Variants in KANK4 observed in about 807,000 individuals in gnomAD.
KANK4 encodes KN motif and ankyrin repeat domains 4.
A neutral mutation model predicts 80.8 loss-of-function variants in KANK4; 50 were observed. The observed-to-expected ratio is 0.62, with a 90% CI of 0.49 to 0.78. KANK4 has a LOEUF of 0.78. KANK4 is among the 30% of genes least tolerant of loss of function. The probability of loss-of-function intolerance (pLI) is 0.00; values close to 1 mark genes in which losing one functional copy is unlikely to be tolerated. For missense variants in KANK4, 1,196 were observed against 1,240.1 expected (o/e 0.96, Z 0.53); for synonymous variants, 465 against 506.9 (o/e 0.92, Z 1.11).
intron 1 of KANK4, among the ~76,000 whole-genome samples, chr1:62,287,380 C>T (rs1672593120): frequency 6.6e-6 from 1 of 152,206 alleles, no homozygotes; most frequent in Non-Finnish European, 1.5e-5. Context: ...CACAGTAAGA[C>T]ACATCACATG....
At chr1:62,241,702 A>G (rs1393006187) in intron 9 of KANK4, among the ~76,000 whole-genome samples, 1 of 152,232 alleles carries the variant, frequency 6.6e-6, no homozygotes, top group African/African-American at 2.4e-5. Flanking sequence ...GTACTGGAAC[A>G]AAACAAAGAT....
At chr1:62,293,062 TTGTGTGTGTGTG>T (rs5774593) in intron 1 of KANK4, among the ~76,000 whole-genome samples, 6,901 of 146,742 alleles carry the variant, frequency 0.047, 368 homozygotes, top group African/African-American at 0.14. Flanking sequence ...GTCTCAATCT[TTGTGTGTGTGTG>T]TGTGTGTGTG....
intron 9 of KANK4, among the ~76,000 whole-genome samples, chr1:62,244,289 G>A (rs1026004281): frequency 1.7e-4 from 26 of 151,262 alleles, no homozygotes; most frequent in Middle Eastern, 6.8e-3. Flanking sequence ...TCATCTTCCC[G>A]GGCTCAGGCA....
chr1:62,268,558 G>T, intron 4 of KANK4, 53 bp from the exon 5 acceptor site: 1 of 1,444,944 alleles, frequency 6.9e-7, no homozygotes, highest in Non-Finnish European at 9.7e-7. Context: ...CAGTGCCCAT[G>T]TCAACACCAG....
chr1:62,297,652 A>G (rs998946859), intron 1 of KANK4, among the ~76,000 whole-genome samples: 1 of 152,240 alleles, frequency 6.6e-6, no homozygotes, highest in Non-Finnish European at 1.5e-5. Context: ...TCAGGCGATT[A>G]TTAAAATATA....
At chr1:62,254,120 C>T (rs1015567872) in intron 7 of KANK4, among the ~76,000 whole-genome samples, 2 of 151,826 alleles carry the variant, frequency 1.3e-5, no homozygotes, top group East Asian at 1.9e-4. Context: ...ATGGGATAAA[C>T]GTGGGAAATC....
At chr1:62,256,652 G>A (rs888960420) in intron 7 of KANK4, among the ~76,000 whole-genome samples, 2 of 152,150 alleles carry the variant, frequency 1.3e-5, no homozygotes, top group African/African-American at 4.8e-5. Context: ...CAAAGTGCTG[G>A]GATTACAGGC....
intron 1 of KANK4, among the ~76,000 whole-genome samples, chr1:62,281,966 C>T (rs1166173030): frequency 2.0e-5 from 3 of 152,246 alleles, no homozygotes; most frequent in East Asian, 1.9e-4. Flanking sequence ...TAGTATCAGA[C>T]CCAGGCTTCT....
At chr1:62,317,916 C>T (rs557812669) in intron 1 of KANK4, among the ~76,000 whole-genome samples, 2 of 152,190 alleles carry the variant, frequency 1.3e-5, no homozygotes, top group African/African-American at 4.8e-5. Context: ...CTGGTCTGAT[C>T]CCCGAGCCAT....
At chr1:62,275,182 C>T in intron 2 of KANK4, 95 bp from the exon 3 acceptor site, 2 of 931,688 alleles carry the variant, frequency 2.1e-6, no homozygotes, top group Non-Finnish European at 3.2e-6. Flanking sequence ...TAACTTAACG[C>T]TGTCACTTGA....
At position 62,253,209 on chromosome 1, in the gene KANK4, C is replaced by CCTGCAAGAGAAGCAATGGGTG. The variant is rs777093316; in HGVS notation, c.2540-21_2540-1dup (p.Thr846_Gly847insAlaProIleAlaSerLeuAla). ...GTTCTGATGGTCCACATTGCAGACG[C>CCTGCAAGAGAAGCAATGGGTG]CTGCAAGAGAAGCAATGGGTGCTGC... On this transcript the variant is annotated inframe_insertion and splice_region_variant. Transcript: ENST00000371153. 107 of 1,602,616 alleles carry CCTGCAAGAGAAGCAATGGGTG rather than the reference C, an allele frequency of 6.7e-5. No individual in the cohort carries two copies. The highest frequency in any genetic ancestry group is 8.5e-5 in the Non-Finnish European group (100 of 1,176,814).
At chr1:62,315,649 C>G (rs1412963270) in intron 1 of KANK4, among the ~76,000 whole-genome samples, 1 of 152,128 alleles carries the variant, frequency 6.6e-6, no homozygotes, top group Non-Finnish European at 1.5e-5. Flanking sequence ...ATAACTTGCA[C>G]AACATCAGAG....
chr1:62,249,384 AT>A (rs1230257678), intron 8 of KANK4, among the ~76,000 whole-genome samples: 5,767 of 143,626 alleles, frequency 0.04, 130 homozygotes, highest in Middle Eastern at 0.058. Context: ...ATATACATGT[AT>A]TTTTTTTTTT....
chr1:62,277,932 G>A (rs1327487533), intron 2 of KANK4, among the ~76,000 whole-genome samples: 1 of 152,188 alleles, frequency 6.6e-6, no homozygotes, highest in Non-Finnish European at 1.5e-5. Context: ...AATGTGCAAA[G>A]GGATGGAGGG....
At chr1:62,284,157 G>A (rs973563298) in intron 1 of KANK4, among the ~76,000 whole-genome samples, 1 of 152,168 alleles carries the variant, frequency 6.6e-6, no homozygotes, top group Admixed American at 6.5e-5. Flanking sequence ...CATGGTCCTA[G>A]CAACAGACAT....
intron 9 of KANK4, among the ~76,000 whole-genome samples, chr1:62,241,537 G>A (rs1272502031): frequency 1.3e-5 from 2 of 152,214 alleles, no homozygotes; most frequent in African/African-American, 4.8e-5. Flanking sequence ...GATCTGGCCT[G>A]TTCACTGCTG....
At chr1:62,313,074 G>C (rs1038814601) in intron 1 of KANK4, among the ~76,000 whole-genome samples, 4 of 152,214 alleles carry the variant, frequency 2.6e-5, no homozygotes, top group African/African-American at 9.6e-5. Context: ...GAGGGAGAGA[G>C]AGAAAGACCA....
intron 8 of KANK4, among the ~76,000 whole-genome samples, chr1:62,250,369 C>T (rs1292854078): frequency 6.6e-6 from 1 of 152,242 alleles, no homozygotes; most frequent in East Asian, 1.9e-4. Flanking sequence ...CCCTTCCTTC[C>T]TCATTGTCCT....
chr1:62,269,399 G>A (rs1672106251), intron 4 of KANK4, among the ~76,000 whole-genome samples: 1 of 152,156 alleles, frequency 6.6e-6, no homozygotes, highest in African/African-American at 2.4e-5. Flanking sequence ...TCTGAATGGT[G>A]GCCTCTACAT....
Sources: allele counts gnomAD v4.1 joint callset (sites outside exome capture counted in the v4.1 genomes callset), GRCh38; gene constraint gnomAD v4.1.1; transcripts MANE v1.5; gene names NCBI Gene and HGNC (gene_info 2026-07-23, HGNC 2026-07-21).